Variants in PBX3 observed in about 807,000 individuals in gnomAD.
PBX3 encodes PBX homeobox 3.
In PBX3, 14 loss-of-function variants were observed where a neutral mutation model predicts 48.5. That is an observed-to-expected ratio of 0.29 (90% CI 0.19 to 0.45). PBX3 has a LOEUF of 0.45. Ranked by LOEUF, PBX3 falls within the 20% of genes least tolerant of loss-of-function variation. PBX3 has a pLI of 1.00. For missense variants in PBX3, 386 were observed against 546.7 expected (o/e 0.71, Z 2.93); for synonymous variants, 210 against 200.3 (o/e 1.05, Z -0.41).
At chr9:125,820,317 A>C (rs890439501) in intron 2 of PBX3, among the ~76,000 whole-genome samples, 1 of 152,240 alleles carries the variant, frequency 6.6e-6, no homozygotes, top group South Asian at 2.1e-4. Context: ...TACCGAGATT[A>C]AGGAATGTCT....
At chr9:125,790,165 C>T (rs986726498) in intron 2 of PBX3, among the ~76,000 whole-genome samples, 1 of 152,156 alleles carries the variant, frequency 6.6e-6, no homozygotes, top group African/African-American at 2.4e-5. Context: ...TCTTAGTCAA[C>T]TGTGTATGAG....
At position 125,910,071 on chromosome 9, in the gene PBX3, G is replaced by A. The variant is rs72752649; in HGVS notation, c.275-5615G>A. Among the ~76,000 whole-genome samples, 612 of 152,224 alleles carry A rather than the reference G, an allele frequency of 4.0e-3. 2 individuals are homozygous for A. Among genetic ancestry groups the A allele is most frequent in the Non-Finnish European group, 6.7e-3 (458 of 67,972 alleles). On this transcript the variant is annotated intron_variant, in intron 2 of 8. Coordinates refer to ENST00000373489, the MANE Select transcript of PBX3 (RefSeq NM_006195.6). The stretch of plus-strand genomic sequence containing the variant: ...TGGAGGTGTGGAGAAGCATTATGGG[G>A]AATCTTTCTAGTCATATCTTCAATT...
intron 2 of PBX3, among the ~76,000 whole-genome samples, chr9:125,767,146 TA>T (rs1836820765): frequency 6.6e-6 from 1 of 152,182 alleles, no homozygotes; most frequent in South Asian, 2.1e-4. Flanking sequence ...TTGAAACAGT[TA>T]AAAAACAAAA....
intron 2 of PBX3, among the ~76,000 whole-genome samples, chr9:125,870,037 T>A (rs1840080266): frequency 6.6e-6 from 1 of 151,678 alleles, no homozygotes; most frequent in Non-Finnish European, 1.5e-5. Context: ...TTTTTTTTTT[T>A]TTTTTTCTGA....
chr9:125,761,824 A>C (rs773553936), intron 2 of PBX3, among the ~76,000 whole-genome samples: 1 of 152,288 alleles, frequency 6.6e-6, no homozygotes, highest in Non-Finnish European at 1.5e-5. Flanking sequence ...GGTAGTTATT[A>C]GTATAAAGAG....
chr9:125,881,263 G>A (rs1222172632), intron 2 of PBX3, among the ~76,000 whole-genome samples: 1 of 152,206 alleles, frequency 6.6e-6, no homozygotes, highest in African/African-American at 2.4e-5. Context: ...AAAGTGACAT[G>A]GCAGAGCTTG....
rs139238760 is a variant in PBX3 at position 125,788,017 on chromosome 9, C to T, written c.274+39394C>T. Reference sequence around the variant, plus strand: ...CTTATATGCTCCCTGAAGCCAGACTCATGGAATTACTTGGGATAGAGAAGG... The same window carrying T: ...CTTATATGCTCCCTGAAGCCAGACTTATGGAATTACTTGGGATAGAGAAGG... On this transcript the variant is annotated intron_variant, in intron 2 of 8. Coordinates refer to ENST00000373489, the MANE Select transcript of PBX3 (RefSeq NM_006195.6). Among the ~76,000 whole-genome samples, 264 of 152,282 alleles carry T rather than the reference C, an allele frequency of 1.7e-3. 1 individual carries two copies. The highest frequency in any genetic ancestry group is 5.6e-3 in the African/African-American group (233 of 41,548).
At chr9:125,868,259 AG>A (rs1174227861) in intron 2 of PBX3, among the ~76,000 whole-genome samples, 1 of 152,188 alleles carries the variant, frequency 6.6e-6, no homozygotes, top group Non-Finnish European at 1.5e-5. Flanking sequence ...AGTTTTCATA[AG>A]AACCCTATGA....
At chr9:125,812,335 T>C (rs577982462) in intron 2 of PBX3, among the ~76,000 whole-genome samples, 1 of 152,370 alleles carries the variant, frequency 6.6e-6, no homozygotes, top group East Asian at 1.9e-4. Flanking sequence ...AGCAGCCATG[T>C]ACTCATACTC....
chr9:125,799,021 A>G (rs1446076438), intron 2 of PBX3, among the ~76,000 whole-genome samples: 1 of 152,188 alleles, frequency 6.6e-6, no homozygotes, highest in African/African-American at 2.4e-5. Context: ...GGGTATATAT[A>G]CATTTAGCTT....
At chr9:125,824,402 A>T (rs1367395795) in intron 2 of PBX3, among the ~76,000 whole-genome samples, 1 of 152,222 alleles carries the variant, frequency 6.6e-6, no homozygotes, top group African/African-American at 2.4e-5. Context: ...CCGTTATTCC[A>T]TGATGCCTTA....
At chr9:125,964,919 G>A (rs576379800) in intron 8 of PBX3, among the ~76,000 whole-genome samples, 1 of 152,340 alleles carries the variant, frequency 6.6e-6, no homozygotes, top group Non-Finnish European at 1.5e-5. Flanking sequence ...GTCCGGGTCT[G>A]GGGGCAGCAT....
At chr9:125,887,669 T>G (rs1255269469) in intron 2 of PBX3, among the ~76,000 whole-genome samples, 1 of 152,186 alleles carries the variant, frequency 6.6e-6, no homozygotes. Context: ...TTTTGTTTTT[T>G]GTGTATTGAT....
intron 2 of PBX3, among the ~76,000 whole-genome samples, chr9:125,784,318 G>A (rs7048434): frequency 0.026 from 3,912 of 152,070 alleles, 66 homozygotes; most frequent in Middle Eastern, 0.051. Context: ...TAGTACAGAC[G>A]GGGTTTCGCC....
intron 3 of PBX3, among the ~76,000 whole-genome samples, chr9:125,922,728 A>G (rs1011849287): frequency 6.6e-6 from 1 of 152,176 alleles, no homozygotes; most frequent in Admixed American, 6.5e-5. Context: ...TACTGTGTTT[A>G]TATGTTTAAA....
chr9:125,787,728 T>C (rs1417413073), intron 2 of PBX3, among the ~76,000 whole-genome samples: 1 of 152,040 alleles, frequency 6.6e-6, no homozygotes, highest in African/African-American at 2.4e-5. Flanking sequence ...GATTTTAGGA[T>C]TGTTTGGTTT....
At chr9:125,771,966 T>C (rs572686292) in intron 2 of PBX3, among the ~76,000 whole-genome samples, 4 of 152,180 alleles carry the variant, frequency 2.6e-5, no homozygotes, top group Non-Finnish European at 5.9e-5. Context: ...TGAGTTCTTG[T>C]TGTGTCTGCT....
At chr9:125,775,837 C>G (rs1479715241) in intron 2 of PBX3, among the ~76,000 whole-genome samples, 1 of 152,174 alleles carries the variant, frequency 6.6e-6, no homozygotes, top group African/African-American at 2.4e-5. Context: ...GCCATCTTAA[C>G]AATATTAAGT....
At chr9:125,927,475 T>C (rs996840816) in intron 3 of PBX3, among the ~76,000 whole-genome samples, 2 of 152,210 alleles carry the variant, frequency 1.3e-5, no homozygotes. Flanking sequence ...AAAACCATCA[T>C]GTGCTATATG....
Sources: allele counts gnomAD v4.1 joint callset (sites outside exome capture counted in the v4.1 genomes callset), GRCh38; gene constraint gnomAD v4.1.1; transcripts MANE v1.5; gene names NCBI Gene and HGNC (gene_info 2026-07-23, HGNC 2026-07-21).